B3GLCT: variants seen among roughly 807,000 people sequenced by gnomAD.
B3GLCT encodes the protein beta 3-glucosyltransferase.
B3GLCT carries 65 observed loss-of-function variants against 63.4 expected under a neutral mutation model. The ratio of observed to expected loss-of-function variants is 1.03; its 90% CI spans 0.84 to 1.26. The LOEUF is 1.26. B3GLCT is among the 50% of genes most tolerant of loss of function. B3GLCT has a pLI of 0.00. For missense variants in B3GLCT, 577 were observed against 604.8 expected (o/e 0.95, Z 0.48); for synonymous variants, 233 against 219.2 (o/e 1.06, Z -0.55).
intron 6 of B3GLCT, among the ~76,000 whole-genome samples, chr13:31,255,695 G>A (rs966645077): frequency 3.3e-5 from 5 of 152,114 alleles, no homozygotes; most frequent in African/African-American, 7.2e-5. Flanking sequence ...GAAAGCAATA[G>A]GGAAAGGATT....
rs1869492284 is a variant in B3GLCT, at chr13:31,215,106, A to T, written c.120+6A>T. Reference sequence around the variant, plus strand: ...AAGAGGTCAAGCAGTCTCAGGTACTAATCCCAATGATCAAATCTTTTCCTC... The same window carrying T: ...AAGAGGTCAAGCAGTCTCAGGTACTTATCCCAATGATCAAATCTTTTCCTC... On this transcript the variant is annotated splice_donor_region_variant and intron_variant, in intron 2 of 14. Coordinates refer to ENST00000343307, the MANE Select transcript of B3GLCT (RefSeq NM_194318.4). 12 of 1,610,446 alleles carry T rather than the reference A, an allele frequency of 7.5e-6. No individual in the cohort carries two copies. The highest frequency in any genetic ancestry group is 9.3e-6 in the Non-Finnish European group (11 of 1,178,492).
intron 6 of B3GLCT, among the ~76,000 whole-genome samples, chr13:31,249,567 G>T (rs1297018001): frequency 6.6e-6 from 1 of 152,084 alleles, no homozygotes; most frequent in African/African-American, 2.4e-5. Context: ...ATTATCCATA[G>T]CTCTAATTCT....
rs1179887178 is a variant in B3GLCT at position 31,331,630 on chromosome 13, T to C, written c.*1962T>C. On this transcript the variant is annotated 3_prime_UTR_variant, in exon 15 of 15. Transcript: ENST00000343307. ...AGAAAAAAGTCAGCGGCTCAGTAAA[T>C]ACAGTTTAAAGAGAGAATAATTACT... 1 of 152,098 alleles carries C rather than the reference T, an allele frequency of 6.6e-6. No individual in the cohort carries two copies. The highest frequency in any genetic ancestry group is 2.4e-5 in the African/African-American group (1 of 41,432). 9.4% of individuals were successfully genotyped at this position (152,098 alleles called of 1,614,324 possible).
intron 1 of B3GLCT, among the ~76,000 whole-genome samples, chr13:31,208,818 T>G (rs1470452684): frequency 6.6e-6 from 1 of 151,982 alleles, no homozygotes; most frequent in Non-Finnish European, 1.5e-5. Flanking sequence ...TGTTCCTGGC[T>G]CAGGAAAAAC....
chr13:31,246,951 C>CTTTTCTTTTTTTTTTTT, intron 4 of B3GLCT, 72 bp from the exon 5 acceptor site: 1 of 778,770 alleles, frequency 1.3e-6, no homozygotes, highest in Non-Finnish European at 2.0e-6. Context: ...CTTTTCTTTT[C>CTTTTCTTTTTTTTTTTT]TTTTTTTTTT....
chr13:31,301,508 A>G (rs1209431313), intron 12 of B3GLCT, among the ~76,000 whole-genome samples: 3 of 152,256 alleles, frequency 2.0e-5, no homozygotes, highest in African/African-American at 7.2e-5. Context: ...TTTCACATGA[A>G]GTATGTTCAA....
chr13:31,237,012 G>A (rs1224358084), intron 4 of B3GLCT, among the ~76,000 whole-genome samples: 1 of 151,968 alleles, frequency 6.6e-6, no homozygotes, highest in Non-Finnish European at 1.5e-5. Flanking sequence ...TGTAATCCCA[G>A]CTACTCTGGA....
At chr13:31,234,827 A>G (rs754966070) in intron 4 of B3GLCT, among the ~76,000 whole-genome samples, 1 of 152,158 alleles carries the variant, frequency 6.6e-6, no homozygotes, top group Non-Finnish European at 1.5e-5. Context: ...TATTACAGTT[A>G]AAAGTGCCCC....
At chr13:31,229,592 G>A (rs1041508745) in intron 4 of B3GLCT, among the ~76,000 whole-genome samples, 15 of 151,712 alleles carry the variant, frequency 9.9e-5, no homozygotes, top group African/African-American at 3.6e-4. Context: ...CTAAAAATAC[G>A]AAAATTAGCA....
At chr13:31,316,328 G>A (rs1239984736) in intron 12 of B3GLCT, among the ~76,000 whole-genome samples, 1 of 149,218 alleles carries the variant, frequency 6.7e-6, no homozygotes, top group Non-Finnish European at 1.5e-5. Flanking sequence ...CAGGGGTGGG[G>A]CCCAAGGCCT....
At chr13:31,316,176 G>A (rs1402719094) in intron 12 of B3GLCT, among the ~76,000 whole-genome samples, 1 of 151,816 alleles carries the variant, frequency 6.6e-6, no homozygotes, top group Non-Finnish European at 1.5e-5. Flanking sequence ...CTGCCTAGTG[G>A]AGCACTCAGA....
Position 31,260,929 on chromosome 13 carries a change from A to C in B3GLCT, c.460-17A>C, listed in dbSNP as rs1327019545. On this transcript the variant is annotated splice_polypyrimidine_tract_variant and intron_variant, in intron 6 of 14. Coordinates refer to ENST00000343307, the MANE Select transcript of B3GLCT (RefSeq NM_194318.4). ...ATGATTGTTTTTAAAGTGACATGTTATATCTTTATTTAACAGGAATGGTTT... is the reference window on the plus strand; with the variant it reads ...ATGATTGTTTTTAAAGTGACATGTTCTATCTTTATTTAACAGGAATGGTTT... 6.2e-7 allele frequency: 1 copy of C among 1,609,614 alleles called. No individual in the cohort carries two copies. Among genetic ancestry groups the C allele is most frequent in the Non-Finnish European group, 8.5e-7 (1 of 1,176,128 alleles).
At chr13:31,310,188 A>C (rs1874633735) in intron 12 of B3GLCT, among the ~76,000 whole-genome samples, 1 of 152,172 alleles carries the variant, frequency 6.6e-6, no homozygotes, top group Non-Finnish European at 1.5e-5. Context: ...TCCTGAGCCC[A>C]TAAAAACCCC....
At chr13:31,308,603 A>G (rs1383106627) in intron 12 of B3GLCT, among the ~76,000 whole-genome samples, 1 of 152,110 alleles carries the variant, frequency 6.6e-6, no homozygotes, top group African/African-American at 2.4e-5. Flanking sequence ...TCCTGCATCA[A>G]ACCAAACATG....
rs572785989 is a variant in B3GLCT at position 31,222,960 on chromosome 13, G to C, written c.129G>C (p.Glu43Asp). The change falls in exon 3 of 15, where the codon GAG becomes GAC. Residue 43 changes from glutamate to aspartate, a missense_variant. Physicochemically the swap from Glu to Asp is conservative, Grantham distance 45 (BLOSUM62 2). Coordinates refer to ENST00000343307, the MANE Select transcript of B3GLCT (RefSeq NM_194318.4). ...KKEVKQSQDL[E>D]KSGISRKNDI... ...TTTCATTTAAAATACAGGATTTGGA[G>C]AAAAGTGGTATATCAAGGAAAAATG... 3.6e-5 allele frequency: 55 copies of C among 1,524,096 alleles called. No homozygotes were observed. The highest frequency in any genetic ancestry group is 3.3e-4 in the Admixed American group (20 of 59,750). 94.4% of individuals were successfully genotyped at this position (1,524,096 alleles called of 1,614,324 possible). A position where few individuals can be genotyped will look rare whatever the true frequency, so the allele number is the denominator to read the frequency against.
intron 12 of B3GLCT, among the ~76,000 whole-genome samples, chr13:31,309,334 C>T (rs1874575930): frequency 6.6e-6 from 1 of 152,228 alleles, no homozygotes; most frequent in African/African-American, 2.4e-5. Flanking sequence ...GTGGGAATTT[C>T]TTCTCCCCAG....
chr13:31,260,354 A>G (rs1012141257), intron 6 of B3GLCT: 62 of 152,596 alleles, frequency 4.1e-4, no homozygotes, highest in African/African-American at 1.3e-3. Flanking sequence ...TTGTTACATC[A>G]TAATAGATTT....
intron 1 of B3GLCT, among the ~76,000 whole-genome samples, chr13:31,209,728 C>CT (rs1413612246): frequency 6.6e-6 from 1 of 152,000 alleles, no homozygotes; most frequent in Admixed American, 6.6e-5. Context: ...ATTGGCTGAG[C>CT]TTTTTTATAT....
intron 2 of B3GLCT, among the ~76,000 whole-genome samples, chr13:31,215,380 G>A (rs1388666794): frequency 6.6e-6 from 1 of 152,098 alleles, no homozygotes; most frequent in Non-Finnish European, 1.5e-5. Context: ...GTCTTGCTTG[G>A]ATACCATAGT....
Sources: allele counts gnomAD v4.1 joint callset (sites outside exome capture counted in the v4.1 genomes callset), GRCh38; gene constraint gnomAD v4.1.1; transcripts MANE v1.5; gene names NCBI Gene and HGNC (gene_info 2026-07-23, HGNC 2026-07-21).